Variants in TDP1 observed in about 807,000 individuals in gnomAD.
TDP1 encodes tyrosyl-DNA phosphodiesterase 1, also known as tyr-DNA phosphodiesterase 1.
Under a neutral mutation model 81.5 loss-of-function variants are expected in TDP1, and 64 were observed. The ratio of observed to expected loss-of-function variants is 0.79; its 90% confidence interval spans 0.64 to 0.97. The LOEUF is 0.97. Among genes scored for constraint, TDP1 ranks in the 50% least tolerant of loss-of-function variants. TDP1 has a pLI of 0.00. For synonymous variants in TDP1, 256 were observed against 264.3 expected, an observed-to-expected ratio of 0.97 and a Z score of 0.30; for missense variants, 723 against 743.8, an observed-to-expected ratio of 0.97 and a Z score of 0.33.
At chr14:89,978,327 C>A (rs988890368) in intron 7 of TDP1, among the ~76,000 whole-genome samples, 3 of 152,224 alleles carry the variant, frequency 2.0e-5, no homozygotes, top group Non-Finnish European at 2.9e-5. Context: ...GCTGTAGATT[C>A]CACAATTGTA....
At chr14:89,972,374 C>G (rs1171642003) in intron 6 of TDP1, among the ~76,000 whole-genome samples, 1 of 152,132 alleles carries the variant, frequency 6.6e-6, no homozygotes, top group Admixed American at 6.5e-5. Flanking sequence ...GGAGGAAGTC[C>G]ACCCCCATGA....
At chr14:90,033,252 C>A in intron 16 of TDP1, 38 bp downstream of exon 16, 1 of 1,203,924 alleles carries the variant, frequency 8.3e-7, no homozygotes, top group Non-Finnish European at 1.2e-6. Flanking sequence ...GGTGGATATG[C>A]ATAAGAAAAA....
At chr14:89,988,627 A>G (rs1256467724) in intron 10 of TDP1, 7 of 981,452 alleles carry the variant, frequency 7.1e-6, no homozygotes, top group Non-Finnish European at 8.5e-6. Context: ...TTCTTCTGAA[A>G]TGGGCCTTTT....
intron 16 of TDP1, among the ~76,000 whole-genome samples, chr14:90,039,572 C>T (rs1021569392): frequency 5.9e-5 from 9 of 151,748 alleles, no homozygotes; most frequent in African/African-American, 2.2e-4. Flanking sequence ...AGAGCAGAGT[C>T]ATAAGTCCTT....
In TDP1 at chr14:89,963,148, A is replaced by G; in HGVS notation, c.34A>G (p.Ile12Val). Reference protein sequence around the residue: ...SQEGDYGRWTISSSDESEEEK... With the variant: ...SQEGDYGRWTVSSSDESEEEK... ...GGAAGGCGATTATGGGAGGTGGACC[A>G]TATCTAGTAGTGATGAAAGTGAGGA... Residue 12 changes from isoleucine to valine, a missense_variant, in exon 3 of 17, where the codon ATA becomes GTA. Ile to Val is a conservative substitution (Grantham distance 29, BLOSUM62 3). Transcript: ENST00000335725. 6.2e-7 allele frequency: 1 copy of G among 1,614,156 alleles called. No homozygotes were observed. The highest frequency in any genetic ancestry group is 8.5e-7 in the Non-Finnish European group (1 of 1,180,022).
intron 15 of TDP1, among the ~76,000 whole-genome samples, chr14:90,032,486 G>A (rs757514537): frequency 3.9e-5 from 6 of 152,024 alleles, no homozygotes; most frequent in South Asian, 4.2e-4. Context: ...CCTGCACTGC[G>A]GCAGGCCTTG....
At chr14:90,004,850 A>T (rs1440737687) in intron 14 of TDP1, among the ~76,000 whole-genome samples, 1 of 152,210 alleles carries the variant, frequency 6.6e-6, no homozygotes, top group Admixed American at 6.5e-5. Context: ...AGAGTTAAAC[A>T]TGCTGTTAGG....
rs1566842683 is a variant in TDP1, at chr14:89,963,282, CAA to C, written c.169_170del (p.Lys57GlufsTer36). ...GTTCCGAGGCCCAGAAAGCTGCACA[CAA>C]GAGGAAAATATCACCTGTGAAATTC... ...TCSEAQKAAHKRKISPVKFSN... is the reference protein window; with the variant it reads ...TCSEAQKAAHXRKISPVKFSN... On this transcript the variant is annotated frameshift_variant, in exon 3 of 17. Coordinates refer to ENST00000335725, the MANE Select transcript of TDP1 (RefSeq NM_018319.4). LOFTEE classifies it high-confidence loss of function. The C allele has an allele frequency of 2.5e-6, 4 of 1,614,104 alleles. No homozygotes were observed. The highest frequency in any genetic ancestry group is 1.3e-5 in the African/African-American group (1 of 75,008).
intron 3 of TDP1, among the ~76,000 whole-genome samples, 198 bp downstream of exon 3, chr14:89,963,871 T>C (rs1425464107): frequency 6.6e-6 from 1 of 152,228 alleles, no homozygotes; most frequent in Non-Finnish European, 1.5e-5. Context: ...GAGCGTGTGT[T>C]CTCAAAACCC....
chr14:89,962,890 A>G (rs1222376057), intron 2 of TDP1: 1 of 984,744 alleles, frequency 1.0e-6, no homozygotes, highest in Non-Finnish European at 1.2e-6. Context: ...AAAAAGGAAG[A>G]AAAAAGAAAG....
rs34880226 is a variant in TDP1, at chr14:89,970,821, A to G, written c.660-354A>G. ...GCGAGTCCAGCTTCATGAATGATGT[A>G]TTTTAATTAATTTATTTATTTATTT... On this transcript the variant is annotated intron_variant, in intron 5 of 16. Transcript: ENST00000335725. 7.9e-4 allele frequency: 667 copies of G among 842,394 alleles called. 6 individuals are homozygous for G. The African/African-American group carries it at 0.012, about 15-fold the overall frequency. The allele number at this position is 842,394 out of a possible 1,614,324, so 52.2% of individuals were successfully genotyped here.
Position 90,044,069 on chromosome 14 carries a change from G to A in TDP1, c.*926G>A, listed in dbSNP as rs1482611138. 1 of 152,288 alleles carries A rather than the reference G, an allele frequency of 6.6e-6. No individual in the cohort carries two copies. The highest frequency in any genetic ancestry group is 2.4e-5 in the African/African-American group (1 of 41,434). 9.4% of individuals were successfully genotyped at this position (152,288 alleles called of 1,614,324 possible). A position where few individuals can be genotyped will look rare whatever the true frequency, so the allele number is the denominator to read the frequency against. ...CGGCTTTTCATAGCTTTCAGCTTCA[G>A]CTTTACGAGGCTTCTCCTCTCTCCC... On this transcript the variant is annotated 3_prime_UTR_variant, in exon 17 of 17. Coordinates refer to ENST00000335725, the MANE Select transcript of TDP1 (RefSeq NM_018319.4).
intron 2 of TDP1, among the ~76,000 whole-genome samples, chr14:89,959,658 C>G (rs900296719): frequency 9.9e-5 from 15 of 152,174 alleles, no homozygotes; most frequent in East Asian, 5.8e-4. Flanking sequence ...TAGAAAATGT[C>G]TTTTTTAAAG....
intron 14 of TDP1, among the ~76,000 whole-genome samples, chr14:90,015,829 T>C (rs1032681621): frequency 6.6e-6 from 1 of 152,086 alleles, no homozygotes; most frequent in Non-Finnish European, 1.5e-5. Context: ...TTTCAACATA[T>C]GAATTCTGGA....
chr14:90,038,186 T>A (rs34645631), intron 16 of TDP1, among the ~76,000 whole-genome samples: 14,521 of 152,158 alleles, frequency 0.095, 1,549 homozygotes, highest in African/African-American at 0.26. Flanking sequence ...AATTTCAAAA[T>A]TTTTTTTAAA....
At chr14:90,019,158 T>C in intron 14 of TDP1, 158 bp from the exon 15 acceptor site, 1 of 903,836 alleles carries the variant, frequency 1.1e-6, no homozygotes, top group Non-Finnish European at 1.3e-6. Context: ...CAGCAGATTT[T>C]AAATTCTCTT....
At chr14:90,004,872 T>C (rs1042075475) in intron 14 of TDP1, among the ~76,000 whole-genome samples, 2 of 152,324 alleles carry the variant, frequency 1.3e-5, no homozygotes, top group South Asian at 2.1e-4. Context: ...TTTCTGGAGC[T>C]GATCAACAGC....
intron 14 of TDP1, among the ~76,000 whole-genome samples, chr14:90,006,739 A>C (rs891787452): frequency 6.6e-6 from 1 of 152,064 alleles, no homozygotes; most frequent in Non-Finnish European, 1.5e-5. Context: ...GGGTTTCACC[A>C]TGTTGGCCAG....
chr14:90,042,973 T>C (rs1322011107), intron 16 of TDP1, 97 bp from the exon 17 acceptor site: 1 of 1,598,340 alleles, frequency 6.3e-7, no homozygotes, highest in East Asian at 2.2e-5. Context: ...TACCACAGTT[T>C]AGAGAGTCAA....
Sources: gnomAD v4.1 joint callset for allele counts (sites outside exome capture counted in the v4.1 genomes callset) on GRCh38, gnomAD v4.1.1 for gene constraint, MANE v1.5 for transcripts, NCBI Gene and HGNC (gene_info 2026-07-23, HGNC 2026-07-21) for gene names.